Variants in CERS6 observed in about 807,000 individuals in gnomAD.
CERS6 encodes LAG1 homolog, ceramide synthase 6.
CERS6 carries 26 observed loss-of-function variants against 56.8 expected under a neutral mutation model. That is an observed-to-expected ratio of 0.46 (90% CI 0.34 to 0.63). The LOEUF (loss-of-function observed/expected upper bound fraction) is 0.63. CERS6 is among the 30% of genes least tolerant of loss of function. CERS6 has a pLI of 0.01. For missense variants in CERS6, 415 were observed against 467.5 expected, an observed-to-expected ratio of 0.89 and a Z score of 1.04; for synonymous variants, 164 against 173.3, an observed-to-expected ratio of 0.95 and a Z score of 0.42.
chr2:168,730,589 A>G (rs1320552715), intron 8 of CERS6, among the ~76,000 whole-genome samples: 1 of 152,220 alleles, frequency 6.6e-6, no homozygotes, highest in East Asian at 1.9e-4. Context: ...AGTCATCCCC[A>G]GCCACCCTGT....
At chr2:168,731,473 A>T (rs749988174) in intron 8 of CERS6, among the ~76,000 whole-genome samples, 2 of 152,154 alleles carry the variant, frequency 1.3e-5, no homozygotes, top group Non-Finnish European at 2.9e-5. Flanking sequence ...ATTTTAGTAT[A>T]CCAAATTTTC....
intron 4 of CERS6, among the ~76,000 whole-genome samples, chr2:168,657,540 G>T (rs1685513876): frequency 6.6e-6 from 1 of 152,252 alleles, no homozygotes; most frequent in African/African-American, 2.4e-5. Context: ...TGGAGTGGGT[G>T]GGAGGCTCAG....
At chr2:168,675,450 G>A (rs1422238267) in intron 4 of CERS6, among the ~76,000 whole-genome samples, 1 of 151,928 alleles carries the variant, frequency 6.6e-6, no homozygotes, top group Non-Finnish European at 1.5e-5. Context: ...GCTGGGCATG[G>A]TGGCATGCAC....
chr2:168,616,511 C>A (rs569895772), intron 3 of CERS6, among the ~76,000 whole-genome samples: 1 of 152,138 alleles, frequency 6.6e-6, no homozygotes, highest in Non-Finnish European at 1.5e-5. Context: ...CATAAGGACT[C>A]ACATAAACTT....
chr2:168,694,263 T>G (rs1197228034), intron 5 of CERS6, among the ~76,000 whole-genome samples: 1 of 152,120 alleles, frequency 6.6e-6, no homozygotes, highest in Non-Finnish European at 1.5e-5. Context: ...CCCCCGACCC[T>G]GAGCCTCTGA....
At chr2:168,483,147 C>T (rs73018548) in intron 1 of CERS6, among the ~76,000 whole-genome samples, 4,814 of 152,272 alleles carry the variant, frequency 0.032, 214 homozygotes, top group African/African-American at 0.093. Flanking sequence ...ACTCACTATT[C>T]TTAGAGCCTT....
chr2:168,534,546 GC>G (rs1695224830), intron 1 of CERS6, among the ~76,000 whole-genome samples: 7 of 151,578 alleles, frequency 4.6e-5, no homozygotes, highest in African/African-American at 1.5e-4. Flanking sequence ...GCTCGCTCCC[GC>G]GTCGGGAGAT....
chr2:168,769,982 G>A lies in CERS6; in HGVS notation c.*320G>A. 3.5e-6 allele frequency: 1 copy of A among 285,526 alleles called. No individual in the cohort carries two copies. The highest frequency in any genetic ancestry group is 3.4e-5 in the South Asian group (1 of 29,302). 17.7% of individuals were successfully genotyped at this position (285,526 alleles called of 1,614,324 possible). ...TTTCCTCACTCCTTTTACTCACTGGGCTCATGACAGTGAAGGAGATGCTCC... is the reference window on the plus strand; with the variant it reads ...TTTCCTCACTCCTTTTACTCACTGGACTCATGACAGTGAAGGAGATGCTCC... On this transcript the variant is annotated 3_prime_UTR_variant, in exon 10 of 10. Coordinates refer to ENST00000305747, the MANE Select transcript of CERS6 (RefSeq NM_203463.3).
In CERS6 at chr2:168,607,328, A is replaced by T. The variant is rs74271839; in HGVS notation, c.408-23657A>T. The stretch of plus-strand genomic sequence containing the variant: ...TATAAGAGATAATTCATTACTTTTT[A>T]AAAAAACTCTTTTAAGTTACTCTTC... On this transcript the variant is annotated intron_variant, in intron 3 of 9. Transcript: ENST00000305747. 3.3e-5 allele frequency among the ~76,000 whole-genome samples: 5 copies of T among 152,202 alleles called. No individual in the cohort carries two copies. In the East Asian group the frequency reaches 7.7e-4, roughly 24 times the overall value.
intron 4 of CERS6, among the ~76,000 whole-genome samples, chr2:168,675,605 A>G (rs550585572): frequency 1.3e-5 from 2 of 152,082 alleles, no homozygotes; most frequent in Non-Finnish European, 2.9e-5. Flanking sequence ...CAAAACAAAA[A>G]CCAAGGACAA....
At position 168,643,530 on chromosome 2, in the gene CERS6, C is replaced by T. The variant is rs182535341; in HGVS notation, c.465+12488C>T. Among the ~76,000 whole-genome samples, 41 of 152,222 alleles carry T rather than the reference C, an allele frequency of 2.7e-4. No individual in the cohort carries two copies. The East Asian group carries it at 7.5e-3, about 28-fold the overall frequency. The stretch of plus-strand genomic sequence containing the variant: ...AGATTCTGATTACTGAATGCTACCA[C>T]CAAAAATGCACCATTCTATACATCA... On this transcript the variant is annotated intron_variant, in intron 4 of 9. Coordinates refer to ENST00000305747, the MANE Select transcript of CERS6 (RefSeq NM_203463.3).
chr2:168,581,976 C>G (rs1683424184), intron 3 of CERS6, among the ~76,000 whole-genome samples: 2 of 152,224 alleles, frequency 1.3e-5, no homozygotes, highest in African/African-American at 4.8e-5. Context: ...CTTACCATGA[C>G]TCCCAGGCCC....
intron 2 of CERS6, among the ~76,000 whole-genome samples, chr2:168,555,620 C>T (rs550832981): frequency 1.3e-4 from 19 of 151,350 alleles, no homozygotes; most frequent in Admixed American, 1.1e-3. Flanking sequence ...CACAAATAAA[C>T]GTTATGATCA....
At chr2:168,467,870 T>G (rs994549913) in intron 1 of CERS6, among the ~76,000 whole-genome samples, 9 of 152,062 alleles carry the variant, frequency 5.9e-5, no homozygotes, top group South Asian at 2.1e-4. Context: ...GGTATATGTG[T>G]GGGGGGGCCC....
At chr2:168,534,897 G>C (rs1440142397) in intron 1 of CERS6, among the ~76,000 whole-genome samples, 4 of 152,224 alleles carry the variant, frequency 2.6e-5, no homozygotes, top group Non-Finnish European at 2.9e-5. Flanking sequence ...GGTCCAAGGA[G>C]ATCCGTATTC....
At chr2:168,691,916 T>A (rs1184808566) in intron 5 of CERS6, among the ~76,000 whole-genome samples, 1 of 152,166 alleles carries the variant, frequency 6.6e-6, no homozygotes, top group Non-Finnish European at 1.5e-5. Context: ...GGGGTTTCTT[T>A]GGGTTGTCTG....
intron 8 of CERS6, among the ~76,000 whole-genome samples, chr2:168,735,348 C>T (rs1243584807): frequency 6.6e-6 from 1 of 151,814 alleles, no homozygotes; most frequent in African/African-American, 2.4e-5. Context: ...TAGATTTAGG[C>T]CTATAAATTG....
intron 8 of CERS6, among the ~76,000 whole-genome samples, chr2:168,761,620 ATTGGATTG>A (rs936295725): frequency 1.3e-5 from 2 of 152,108 alleles, no homozygotes; most frequent in African/African-American, 4.8e-5. Flanking sequence ...CTTCATATTT[ATTGGATTG>A]TTGGATTAGC....
intron 1 of CERS6, among the ~76,000 whole-genome samples, chr2:168,527,210 A>C (rs1246900738): frequency 1.3e-5 from 2 of 152,216 alleles, no homozygotes; most frequent in Non-Finnish European, 2.9e-5. Flanking sequence ...TTATTTAAAA[A>C]CAGACTTTAT....
Sources: allele counts gnomAD v4.1 joint callset (sites outside exome capture counted in the v4.1 genomes callset), GRCh38; gene constraint gnomAD v4.1.1; transcripts MANE v1.5; gene names NCBI Gene and HGNC (gene_info 2026-07-23, HGNC 2026-07-21).